SATB2: variants seen among roughly 807,000 people sequenced by gnomAD.
SATB2 encodes the protein DNA-binding protein SATB2.
SATB2 carries 1 observed loss-of-function variant against 73.4 expected under a neutral mutation model. The ratio of observed to expected loss-of-function variants is 0.01; its 90% CI spans 0.00 to 0.06. The LOEUF is 0.06. SATB2 is among the 10% of genes least tolerant of loss of function. The pLI is 1.00. For synonymous variants in SATB2, 397 were observed against 367.0 expected (o/e 1.08, Z -0.93); for missense variants, 459 against 945.8 (o/e 0.49, Z 6.75).
chr2:199,298,981 G>A (rs1184110301), intron 10 of SATB2, among the ~76,000 whole-genome samples: 2 of 152,132 alleles, frequency 1.3e-5, no homozygotes, highest in African/African-American at 4.8e-5. Context: ...AGAGGGACTA[G>A]TTCACACACC....
rs990668372 is a variant in SATB2, at chr2:199,457,076, G to C, written c.-60+263C>G. ...GACCCCGGCACCGTACTGCGTGCGC[G>C]CTGGGAATCCTCGTGGGCGCTCTGG... On this transcript the variant is annotated intron_variant, in intron 1 of 10. Coordinates refer to ENST00000417098, the MANE Select transcript of SATB2 (RefSeq NM_001172509.2). This position sits in a 1 kb window ranked among gnomAD's most constrained non-coding sequence, Gnocchi z 4.8. Among the ~76,000 whole-genome samples the C allele has an allele frequency of 6.6e-6, 1 of 152,146 alleles. No homozygotes were observed. The highest frequency in any genetic ancestry group is 1.5e-5 in the Non-Finnish European group (1 of 67,998).
At chr2:199,277,040 A>G (rs753843605) in intron 10 of SATB2, among the ~76,000 whole-genome samples, 1 of 152,234 alleles carries the variant, frequency 6.6e-6, no homozygotes, top group Non-Finnish European at 1.5e-5. Flanking sequence ...TGTCGAGTGA[A>G]AGAAGTCAGA....
chr2:199,396,495 A>G (rs2105887156), intron 3 of SATB2: 1 of 152,294 alleles, frequency 6.6e-6, no homozygotes, highest in South Asian at 2.1e-4. Flanking sequence ...AACATTTTGC[A>G]TTTGGAATGT....
At chr2:199,358,358 T>G (rs1189897643) in intron 6 of SATB2, among the ~76,000 whole-genome samples, 1 of 151,900 alleles carries the variant, frequency 6.6e-6, no homozygotes, top group Non-Finnish European at 1.5e-5. Context: ...AGCTAATAGA[T>G]CTCTCAGATA....
intron 6 of SATB2, among the ~76,000 whole-genome samples, chr2:199,349,388 T>C (rs1261802637): frequency 1.3e-5 from 2 of 152,210 alleles, no homozygotes; most frequent in Non-Finnish European, 2.9e-5. Flanking sequence ...GTAAAATTAT[T>C]TGCCACTTCA....
chr2:199,462,338 T>C (rs1209642908), upstream of SATB2, among the ~76,000 whole-genome samples: 1 of 152,142 alleles, frequency 6.6e-6, no homozygotes, highest in African/African-American at 2.4e-5. This position sits in a 1 kb window ranked among gnomAD's most constrained non-coding sequence, Gnocchi z 5.9. Flanking sequence ...CGCCGCGGAC[T>C]GTCCGTGGAG....
At chr2:199,453,660 T>A (rs935426047) in intron 2 of SATB2, among the ~76,000 whole-genome samples, 3 of 152,058 alleles carry the variant, frequency 2.0e-5, no homozygotes, top group African/African-American at 7.2e-5. Flanking sequence ...ACAAAGAAAC[T>A]ATTAACATCT....
intron 5 of SATB2, among the ~76,000 whole-genome samples, chr2:199,378,943 T>A (rs1166439003): frequency 6.6e-6 from 1 of 152,196 alleles, no homozygotes; most frequent in Non-Finnish European, 1.5e-5. Flanking sequence ...ATAGCCTTCC[T>A]ATCTTCCAGA....
In SATB2 at chr2:199,272,444, G is replaced by A; in HGVS notation, c.1969C>T (p.His657Tyr). 6.2e-7 allele frequency: 1 copy of A among 1,614,230 alleles called. No homozygotes were observed. The highest frequency in any genetic ancestry group is 8.5e-7 in the Non-Finnish European group (1 of 1,180,034). The change falls in exon 11 of 11, where the codon CAC becomes TAC. Residue 657 changes from histidine (H) to tyrosine (Y), a missense_variant. Physicochemically the swap from His to Tyr is moderately conservative, Grantham distance 83. Around this residue, in one of 13 missense-constraint regions of SATB2, gnomAD observed 7 missense variants for 59.4 expected, o/e 0.12. Coordinates refer to ENST00000417098, the MANE Select transcript of SATB2 (RefSeq NM_001172509.2). This position sits in a 1 kb window ranked among gnomAD's most constrained non-coding sequence, Gnocchi z 6.7. ...TTCTGGAAGAACTTGATGATGGTGT[G>A]TTTGGGGAGATCCAGCTGAGCCGAA... ...TLSAQLDLPK[H>Y]TIIKFFQNQR... is the part of the protein sequence containing the mutation.
chr2:199,370,243 T>C (rs1352114327), intron 5 of SATB2, among the ~76,000 whole-genome samples: 1 of 151,990 alleles, frequency 6.6e-6, no homozygotes, highest in African/African-American at 2.4e-5. Flanking sequence ...ACTATGTCTG[T>C]TTCATTTTTT....
At chr2:199,289,712 C>T (rs1024005432) in intron 10 of SATB2, among the ~76,000 whole-genome samples, 3 of 152,158 alleles carry the variant, frequency 2.0e-5, no homozygotes, top group Admixed American at 6.5e-5. Context: ...TAATCGTTAA[C>T]GCTCTTGATT....
At chr2:199,327,212 G>A (rs552386673) in intron 8 of SATB2, among the ~76,000 whole-genome samples, 1 of 152,240 alleles carries the variant, frequency 6.6e-6, no homozygotes, top group East Asian at 1.9e-4. Flanking sequence ...GGCCGAGGTG[G>A]GCAGATTACT....
At chr2:199,444,421 A>G (rs1203657794) in intron 2 of SATB2, among the ~76,000 whole-genome samples, 1 of 152,210 alleles carries the variant, frequency 6.6e-6, no homozygotes, top group Admixed American at 6.5e-5. Flanking sequence ...AGACTACTGC[A>G]GCATTTTAAA....
In SATB2 at chr2:199,270,667, C is replaced by T. The variant is rs1248144672; in HGVS notation, c.*1544G>A. On this transcript the variant is annotated 3_prime_UTR_variant, in exon 11 of 11. Coordinates refer to ENST00000417098, the MANE Select transcript of SATB2 (RefSeq NM_001172509.2). ...GCTTCTGGTGTTTCTCATAGGAAGC[C>T]GAAAGAGATCTGGAGTACTATAGTA... The T allele has an allele frequency of 1.3e-5, 2 of 152,170 alleles. No homozygotes were observed. Among genetic ancestry groups the T allele is most frequent in the African/African-American group, 2.4e-5 (1 of 41,362 alleles). 9.4% of individuals were successfully genotyped at this position (152,170 alleles called of 1,614,324 possible).
At chr2:199,460,636 A>G (rs1692454834), upstream of SATB2, 1 of 152,374 alleles carries the variant, frequency 6.6e-6, no homozygotes, top group African/African-American at 2.4e-5. This position sits in a 1 kb window ranked among gnomAD's most constrained non-coding sequence, Gnocchi z 4.0. Context: ...ATCCTAAGTC[A>G]TTAATGAGCT....
chr2:199,329,062 G>A (rs2105795870), intron 7 of SATB2, 152 bp from the exon 8 acceptor site: 1 of 697,462 alleles, frequency 1.4e-6, no homozygotes, highest in Non-Finnish European at 2.6e-6. Context: ...TCTCCGATAT[G>A]AAGTCAATGT....
chr2:199,337,799 G>T lies in SATB2; in HGVS notation c.1174-8889C>A, dbSNP rs377059165. 7.9e-4 allele frequency among the ~76,000 whole-genome samples: 120 copies of T among 152,146 alleles called. 3 individuals carry two copies. The South Asian group carries it at 0.021, about 27-fold the overall frequency. ...TTATATTTTTCTCTCAGCATTTCTG[G>T]CCTTTAAACTTCCTTCACTTTATTT... On this transcript the variant is annotated intron_variant, in intron 7 of 10. Transcript: ENST00000417098.
At chr2:199,278,333 G>A (rs1692380859) in intron 10 of SATB2, among the ~76,000 whole-genome samples, 1 of 152,222 alleles carries the variant, frequency 6.6e-6, no homozygotes. Context: ...CTAGCCACAT[G>A]TGGGTATTTA....
chr2:199,444,499 T>A (rs1416271498), intron 2 of SATB2, among the ~76,000 whole-genome samples: 1 of 152,204 alleles, frequency 6.6e-6, no homozygotes, highest in Non-Finnish European at 1.5e-5. Context: ...AGTCCTTGGT[T>A]CATAAATTAT....
Sources: allele counts gnomAD v4.1 joint callset (sites outside exome capture counted in the v4.1 genomes callset), GRCh38; gene constraint gnomAD v4.1.1; regional missense constraint gnomAD v4.1.1; non-coding constraint Gnocchi (gnomAD v3.1); transcripts MANE v1.5; gene names NCBI Gene and HGNC (gene_info 2026-07-23, HGNC 2026-07-21).